The following CHN1 variants were observed in gnomAD, a reference collection of about 807,000 sequenced individuals.
CHN1 encodes N-chimaerin.
In CHN1, 37 loss-of-function variants were observed where a neutral mutation model predicts 59.5. The observed-to-expected ratio is 0.62, with a 90% CI of 0.48 to 0.82. CHN1 has a LOEUF of 0.82. Among genes scored for constraint, CHN1 ranks in the 40% least tolerant of loss-of-function variants. The pLI, the probability that CHN1 is intolerant of heterozygous loss-of-function variation, is 0.00. For synonymous variants in CHN1, 206 were observed against 200.4 expected (o/e 1.03, Z -0.24); for missense variants, 469 against 571.0 (o/e 0.82, Z 1.82).
At chr2:174,840,980 A>C (rs1198350970) in intron 7 of CHN1, among the ~76,000 whole-genome samples, 1 of 152,168 alleles carries the variant, frequency 6.6e-6, no homozygotes, top group Non-Finnish European at 1.5e-5. Context: ...AGAGATGCCA[A>C]ATTTGGAACT....
chr2:174,857,722 T>G (rs1238022548), intron 6 of CHN1, among the ~76,000 whole-genome samples: 2 of 152,098 alleles, frequency 1.3e-5, no homozygotes, highest in Non-Finnish European at 2.9e-5. Flanking sequence ...CTTGGGGAAA[T>G]GTGCCATTAC....
At chr2:174,867,046 C>T (rs1356716537) in intron 6 of CHN1, among the ~76,000 whole-genome samples, 1 of 145,882 alleles carries the variant, frequency 6.9e-6, no homozygotes, top group Non-Finnish European at 1.5e-5. Flanking sequence ...AAAATGACAA[C>T]TTTTTTTTAC....
At chr2:174,964,532 T>C (rs914754253) in intron 1 of CHN1, among the ~76,000 whole-genome samples, 1 of 152,234 alleles carries the variant, frequency 6.6e-6, no homozygotes, top group Non-Finnish European at 1.5e-5. Flanking sequence ...AGGTGGGCTC[T>C]TGAACTGCAT....
chr2:174,941,460 C>T (rs1689661311), intron 3 of CHN1, among the ~76,000 whole-genome samples: 1 of 152,130 alleles, frequency 6.6e-6, no homozygotes. Context: ...CTAATTGTGT[C>T]CCATTCTCCT....
chr2:174,930,008 G>A (rs1171151493), intron 3 of CHN1, among the ~76,000 whole-genome samples: 2 of 152,210 alleles, frequency 1.3e-5, no homozygotes, highest in African/African-American at 4.8e-5. Flanking sequence ...AGGGTTCCAG[G>A]GGAAGTGGTC....
At chr2:174,988,708 C>T (rs1430037703) in intron 1 of CHN1, among the ~76,000 whole-genome samples, 1 of 152,074 alleles carries the variant, frequency 6.6e-6, no homozygotes, top group East Asian at 1.9e-4. Context: ...AAACAGACAG[C>T]ATGTAAAGTG....
intron 1 of CHN1, among the ~76,000 whole-genome samples, chr2:174,982,692 C>A (rs1458768179): frequency 6.6e-6 from 1 of 152,120 alleles, no homozygotes; most frequent in Non-Finnish European, 1.5e-5. Context: ...TGGCGAGTAT[C>A]AAAACAAGTG....
intron 1 of CHN1, among the ~76,000 whole-genome samples, chr2:174,990,452 T>C (rs1331856178): frequency 2.0e-5 from 3 of 151,884 alleles, no homozygotes; most frequent in Non-Finnish European, 4.4e-5. Flanking sequence ...CCCACTCCAA[T>C]CCCCACCAAC....
At chr2:174,875,401 T>C (rs1226374596) in intron 6 of CHN1, among the ~76,000 whole-genome samples, 1 of 152,154 alleles carries the variant, frequency 6.6e-6, no homozygotes. Flanking sequence ...ATATCAGGTA[T>C]TCCTTTTGGT....
chr2:174,931,066 C>T (rs569279783), intron 3 of CHN1, among the ~76,000 whole-genome samples: 1 of 151,892 alleles, frequency 6.6e-6, no homozygotes, highest in African/African-American at 2.4e-5. Flanking sequence ...CTGCGCCAGG[C>T]CTATAGCTGA....
chr2:174,974,103 C>T (rs577037700), intron 1 of CHN1, among the ~76,000 whole-genome samples: 4 of 152,198 alleles, frequency 2.6e-5, no homozygotes, highest in Middle Eastern at 3.4e-3. Context: ...CGTGACAATG[C>T]CAAACATACT....
rs1196224810 is a variant in CHN1 at position 174,846,906 on chromosome 2, T to G, written c.601A>C (p.Lys201Gln). Reference protein sequence around the residue: ...ATLKENEQIPKYEKIHNFKVH... With the variant: ...ATLKENEQIPQYEKIHNFKVH... ...TTGAAATTGTGAATCTTTTCATATTTTGGAATTTGCTCGTTTTCTTTCAGA... is the reference window on the plus strand; with the variant it reads ...TTGAAATTGTGAATCTTTTCATATTGTGGAATTTGCTCGTTTTCTTTCAGA... The change falls in exon 7 of 13, where the codon AAA becomes CAA. Residue 201 changes from lysine to glutamine, a missense_variant. Lys to Gln is a moderately conservative substitution (Grantham distance 53). Around this residue, in one of 5 missense-constraint regions of CHN1, gnomAD observed 81 missense variants for 71.7 expected, o/e 1.13. Coordinates refer to ENST00000409900, the MANE Select transcript of CHN1 (RefSeq NM_001822.7). 3 of 1,551,872 alleles carry G rather than the reference T, an allele frequency of 1.9e-6. No individual in the cohort carries two copies. The highest frequency in any genetic ancestry group is 2.4e-5 in the South Asian group (2 of 83,784).
intron 7 of CHN1, among the ~76,000 whole-genome samples, chr2:174,834,319 T>C (rs192645679): frequency 6.6e-6 from 1 of 152,326 alleles, no homozygotes; most frequent in Admixed American, 6.5e-5. Context: ...TCAGGAAAAA[T>C]ATCTTTTAAA....
intron 7 of CHN1, among the ~76,000 whole-genome samples, chr2:174,846,096 C>T (rs1186611747): frequency 6.6e-6 from 1 of 152,148 alleles, no homozygotes; most frequent in Non-Finnish European, 1.5e-5. Context: ...AGTGCATCTA[C>T]CTATTAAATG....
At chr2:174,931,526 A>T (rs1193621) in intron 3 of CHN1, among the ~76,000 whole-genome samples, 72,937 of 152,092 alleles carry the variant, frequency 0.48, 18,189 homozygotes, top group African/African-American at 0.6. Flanking sequence ...GCACCTACTA[A>T]GTGTCAAGCA....
At chr2:174,955,112 TAG>T (rs1690149669) in intron 1 of CHN1, among the ~76,000 whole-genome samples, 7 of 148,838 alleles carry the variant, frequency 4.7e-5, no homozygotes, top group African/African-American at 1.5e-4. Context: ...TATAGATCTA[TAG>T]ATCTATAGAT....
Position 174,950,772 on chromosome 2 carries a change from GAGA to G in CHN1, c.58+1389_58+1391del, listed in dbSNP as rs559714804. Among the ~76,000 whole-genome samples, 878 of 149,160 alleles carry G rather than the reference GAGA, an allele frequency of 5.9e-3. 13 individuals carry two copies. The highest frequency in any genetic ancestry group is 0.021 in the African/African-American group (834 of 40,064). ...GATAAACTGAAAACCAGAAAATGCA[GAGA>G]AGTTTTTTTTTTTTTTTTTTTTGAG... On this transcript the variant is annotated intron_variant, in intron 2 of 12. Coordinates refer to ENST00000409900, the MANE Select transcript of CHN1 (RefSeq NM_001822.7).
rs1362746455 is a variant in CHN1, at chr2:174,975,651, C to CA, written c.20-23450dup. On this transcript the variant is annotated intron_variant, in intron 1 of 12. Coordinates refer to ENST00000409900, the MANE Select transcript of CHN1 (RefSeq NM_001822.7). ...TTTTAGCCAGGCAAAAAAAACAAAA[C>CA]AAACAAAAAAAAAAAAAACAGAAGC... Among the ~76,000 whole-genome samples the CA allele has an allele frequency of 4.2e-3, 564 of 135,486 alleles. 4 individuals are homozygous for CA. Among genetic ancestry groups the CA allele is most frequent in the African/African-American group, 0.016 (539 of 33,036 alleles). The allele number at this position is 135,486 out of a possible 152,430, so 88.9% of individuals were successfully genotyped here.
intron 1 of CHN1, among the ~76,000 whole-genome samples, chr2:174,973,773 T>A (rs1690834552): frequency 1.3e-5 from 2 of 152,336 alleles, no homozygotes; most frequent in South Asian, 4.1e-4. Context: ...ATTGTGAGTC[T>A]GACCCAGGGC....
Sources: gnomAD v4.1 joint callset for allele counts (sites outside exome capture counted in the v4.1 genomes callset) on GRCh38, gnomAD v4.1.1 for gene constraint, gnomAD v4.1.1 regional missense constraint, MANE v1.5 for transcripts, NCBI Gene and HGNC (gene_info 2026-07-23, HGNC 2026-07-21) for gene names.